KHDRBS2: variants seen among roughly 807,000 people sequenced by gnomAD.
The protein encoded by KHDRBS2 is KH domain-containing, RNA-binding, signal transduction-associated protein 2.
Under a neutral mutation model 44.3 loss-of-function variants are expected in KHDRBS2, and 26 were observed. The observed-to-expected ratio is 0.59, with a 90% CI of 0.43 to 0.81. The LOEUF (loss-of-function observed/expected upper bound fraction) is 0.81. Ranked by LOEUF, KHDRBS2 falls within the 40% of genes least tolerant of loss-of-function variation. KHDRBS2 has a pLI of 0.00. For missense variants in KHDRBS2, 476 were observed against 433.1 expected, an observed-to-expected ratio of 1.10 and a Z score of -0.88; for synonymous variants, 194 against 151.1, an observed-to-expected ratio of 1.28 and a Z score of -2.08.
chr6:61,894,943 T>TC, intron 5 of KHDRBS2, 110 bp from the exon 6 acceptor site: 1 of 559,472 alleles, frequency 1.8e-6, no homozygotes, highest in Non-Finnish European at 3.2e-6. Context: ...AAATACAAAT[T>TC]TCTCTCTCTC....
chr6:61,627,482 T>C, the KHDRBS2 span, among the ~76,000 whole-genome samples: 1 of 152,164 alleles, frequency 6.6e-6, no homozygotes, highest in Non-Finnish European at 1.5e-5. Context: ...TGCCAGAAAG[T>C]CCTATCATGT....
At chr6:61,762,983 C>T (rs984235718) in intron 6 of KHDRBS2, among the ~76,000 whole-genome samples, 1 of 152,132 alleles carries the variant, frequency 6.6e-6, no homozygotes, top group Non-Finnish European at 1.5e-5. Context: ...TGTTTCTTGG[C>T]TTTTACTTTC....
intron 2 of KHDRBS2, among the ~76,000 whole-genome samples, chr6:62,072,143 G>C (rs1404057331): frequency 6.6e-6 from 1 of 152,114 alleles, no homozygotes; most frequent in Non-Finnish European, 1.5e-5. Context: ...CTCTCTGTTT[G>C]TCTGTTATTG....
At chr6:62,067,882 T>TCTTTTAG (rs1777092110) in intron 2 of KHDRBS2, among the ~76,000 whole-genome samples, 1 of 151,620 alleles carries the variant, frequency 6.6e-6, no homozygotes, top group Admixed American at 6.6e-5. Flanking sequence ...TTCATACATG[T>TCTTTTAG]GTTGGAACTT....
At chr6:61,803,315 T>G (rs541251249) in intron 6 of KHDRBS2, among the ~76,000 whole-genome samples, 19 of 152,106 alleles carry the variant, frequency 1.2e-4, no homozygotes, top group Non-Finnish European at 2.2e-4. Context: ...CAGCACACTG[T>G]TCAGAGAGGG....
chr6:61,566,614 G>C, the KHDRBS2 span, among the ~76,000 whole-genome samples: 2 of 152,116 alleles, frequency 1.3e-5, no homozygotes, highest in African/African-American at 4.8e-5. Context: ...GAGCTTAAAG[G>C]TTAGAAGCAA....
intron 3 of KHDRBS2, among the ~76,000 whole-genome samples, chr6:61,990,989 T>C (rs1776037028): frequency 6.6e-6 from 1 of 152,188 alleles, no homozygotes; most frequent in Non-Finnish European, 1.5e-5. Context: ...ATTACAGGCA[T>C]GAGCCACTGC....
intron 7 of KHDRBS2, among the ~76,000 whole-genome samples, chr6:61,720,479 G>T (rs1370001340): frequency 6.6e-6 from 1 of 152,168 alleles, no homozygotes; most frequent in Non-Finnish European, 1.5e-5. Context: ...TCTAACTGGT[G>T]TGAGATGGTA....
intron 4 of KHDRBS2, among the ~76,000 whole-genome samples, chr6:61,945,085 T>C (rs10455195): frequency 7.6e-4 from 65 of 85,438 alleles, no homozygotes; most frequent in Non-Finnish European, 1.3e-3. Context: ...AGTGAGACTC[T>C]GTCTTAAAAA....
chr6:62,270,179 C>A (rs1251261942), intron 1 of KHDRBS2, among the ~76,000 whole-genome samples: 2 of 151,820 alleles, frequency 1.3e-5, no homozygotes, highest in African/African-American at 4.8e-5. Flanking sequence ...GGGAGTGGAT[C>A]CCTCATTAAT....
At chr6:61,644,352 C>G in the KHDRBS2 span, among the ~76,000 whole-genome samples, 1 of 151,880 alleles carries the variant, frequency 6.6e-6, no homozygotes, top group Non-Finnish European at 1.5e-5. Flanking sequence ...TTATAAAATC[C>G]CTGGAAGACA....
chr6:62,219,680 A>G (rs1366348984), intron 1 of KHDRBS2, among the ~76,000 whole-genome samples: 7 of 151,036 alleles, frequency 4.6e-5, no homozygotes, highest in African/African-American at 1.7e-4. Flanking sequence ...GTAATAATGC[A>G]CTATAGTTAC....
the KHDRBS2 span, among the ~76,000 whole-genome samples, chr6:61,673,611 G>C: frequency 3.7e-5 from 5 of 135,800 alleles, no homozygotes; most frequent in Non-Finnish European, 6.4e-5. Context: ...AAAATCACAA[G>C]CATTCTTATA....
chr6:62,070,329 T>G (rs1369543828), intron 2 of KHDRBS2, among the ~76,000 whole-genome samples: 1 of 112,050 alleles, frequency 8.9e-6, no homozygotes, highest in African/African-American at 3.1e-5. Flanking sequence ...TGGAAAGTGT[T>G]CACTTCTTTT....
chr6:62,041,542 G>T (rs1786524877), intron 3 of KHDRBS2, among the ~76,000 whole-genome samples: 2 of 152,012 alleles, frequency 1.3e-5, no homozygotes, highest in Admixed American at 6.6e-5. Context: ...CTGATTCTGT[G>T]ATTCTCTCAT....
At chr6:62,137,018 T>TG (rs1811693736) in intron 2 of KHDRBS2, among the ~76,000 whole-genome samples, 1 of 80,242 alleles carries the variant, frequency 1.2e-5, no homozygotes, top group African/African-American at 4.7e-5. Flanking sequence ...TTTTTTTTTT[T>TG]GAGACGGAGT....
At position 61,838,404 on chromosome 6, in the gene KHDRBS2, C is replaced by T. The variant is rs112797041; in HGVS notation, c.810+56231G>A. On this transcript the variant is annotated intron_variant, in intron 6 of 8. Transcript: ENST00000281156. ...CTGAGCCATATCAAAATGAAGAACA[C>T]GCTAATGTTTATATTATACTTATTT... 6.9e-3 allele frequency among the ~76,000 whole-genome samples: 1,056 copies of T among 151,954 alleles called. 3 individuals are homozygous for T. Among genetic ancestry groups the T allele is most frequent in the Middle Eastern group, 0.031 (9 of 292 alleles).
intron 4 of KHDRBS2, among the ~76,000 whole-genome samples, chr6:61,916,965 A>ATTTTTTT (rs10700035): frequency 9.5e-4 from 86 of 90,620 alleles, no homozygotes; most frequent in Non-Finnish European, 1.2e-3. Flanking sequence ...GGAACTCTGT[A>ATTTTTTT]TTTTTTTTTT....
intron 6 of KHDRBS2, among the ~76,000 whole-genome samples, chr6:61,861,660 GTT>G (rs201174175): frequency 8.1e-5 from 12 of 147,560 alleles, no homozygotes; most frequent in African/African-American, 2.7e-4. Context: ...CTCCAGTTTT[GTT>G]TTTTTTTTTC....
Sources: gnomAD v4.1 joint callset for allele counts (sites outside exome capture counted in the v4.1 genomes callset) on GRCh38, gnomAD v4.1.1 for gene constraint, MANE v1.5 for transcripts, NCBI Gene and HGNC (gene_info 2026-07-23, HGNC 2026-07-21) for gene names.